The following CCDC88C variants were observed in gnomAD, a reference collection of about 807,000 sequenced individuals.
CCDC88C encodes the protein protein Daple.
In CCDC88C, 131 loss-of-function variants were observed where a neutral mutation model predicts 198.8. The observed-to-expected ratio is 0.66, with a 90% confidence interval of 0.57 to 0.76. The LOEUF is 0.76. Among genes scored for constraint, CCDC88C ranks in the 30% least tolerant of loss-of-function variants. The pLI is 0.00. For missense variants in CCDC88C, 2,553 were observed against 2,631.6 expected, an observed-to-expected ratio of 0.97 and a Z score of 0.65; for synonymous variants, 1,166 against 1,114.7, an observed-to-expected ratio of 1.05 and a Z score of -0.92.
In CCDC88C at chr14:91,280,515, T is replaced by C. The variant is rs186662355; in HGVS notation, c.4699+942A>G. On this transcript the variant is annotated intron_variant, in intron 27 of 29. Transcript: ENST00000389857. The stretch of plus-strand genomic sequence containing the variant: ...TTAAAAAAATAAGTAAATTTCAGTA[T>C]AAGGAAACCGTGATAGCGATCAACG... Among the ~76,000 whole-genome samples, 230 of 152,338 alleles carry C rather than the reference T, an allele frequency of 1.5e-3. 1 individual carries two copies. Among genetic ancestry groups the C allele is most frequent in the African/African-American group, 5.3e-3 (222 of 41,582 alleles).
intron 23 of CCDC88C, among the ~76,000 whole-genome samples, chr14:91,293,326 C>G (rs1257390230): frequency 2.1e-5 from 3 of 140,386 alleles, no homozygotes; most frequent in South Asian, 2.4e-4. Flanking sequence ...CCATCCTCAC[C>G]TGCCAAAGCT....
At chr14:91,289,058 G>C in intron 25 of CCDC88C, 47 bp downstream of exon 25, 1 of 1,517,966 alleles carries the variant, frequency 6.6e-7, no homozygotes, top group South Asian at 1.1e-5. Flanking sequence ...GGACCCTTCA[G>C]GACACCCCCT....
At chr14:91,382,875 T>C (rs1490491687) in intron 3 of CCDC88C, among the ~76,000 whole-genome samples, 1 of 152,168 alleles carries the variant, frequency 6.6e-6, no homozygotes, top group African/African-American at 2.4e-5. Context: ...TTGTGCCTCT[T>C]TAACAACCAG....
In CCDC88C at chr14:91,277,904, C is replaced by A. The variant is rs1035800024; in HGVS notation, c.5058+18G>T. On this transcript the variant is annotated intron_variant, in intron 29 of 29. Transcript: ENST00000389857. ...AGAGGGAAGAGAGACGGGCCAAGTC[C>A]GTGTCCGGATCACTCACATGGGTGG... 3 of 1,474,294 alleles carry A rather than the reference C, an allele frequency of 2.0e-6. No homozygotes were observed. The highest frequency in any genetic ancestry group is 2.7e-6 in the Non-Finnish European group (3 of 1,104,876). 91.3% of individuals were successfully genotyped at this position (1,474,294 alleles called of 1,614,324 possible). A position where few individuals can be genotyped will look rare whatever the true frequency, so the allele number is the denominator to read the frequency against.
chr14:91,314,482 TC>T (rs2139808261), intron 14 of CCDC88C, among the ~76,000 whole-genome samples: 1 of 152,324 alleles, frequency 6.6e-6, no homozygotes, highest in Admixed American at 6.5e-5. Flanking sequence ...TACACTACTC[TC>T]CACCTCCTGC....
Position 91,288,896 on chromosome 14 carries a change from T to A in CCDC88C, c.4441+209A>T, listed in dbSNP as rs1460998365. The A allele has an allele frequency of 1.6e-5, 8 of 487,990 alleles. No homozygotes were observed. The highest frequency in any genetic ancestry group is 2.5e-5 in the Non-Finnish European group (7 of 278,372). The allele number at this position is 487,990 out of a possible 1,614,324, so 30.2% of individuals were successfully genotyped here. Reference sequence around the variant, plus strand: ...AAACTCCATCTCAAAAAAATTAAAATAAAATATAAAATAAAGTAACAAAAG... The same window carrying A: ...AAACTCCATCTCAAAAAAATTAAAAAAAAATATAAAATAAAGTAACAAAAG... On this transcript the variant is annotated intron_variant, in intron 25 of 29. Transcript: ENST00000389857. The surrounding 1 kb of genome is among the most constrained non-coding windows in gnomAD (Gnocchi z 4.2).
At chr14:91,393,392 C>G (rs544949430) in intron 3 of CCDC88C, among the ~76,000 whole-genome samples, 1 of 152,250 alleles carries the variant, frequency 6.6e-6, no homozygotes, top group African/African-American at 2.4e-5. Context: ...GCAACCTGAG[C>G]GAATTCTACC....
intron 10 of CCDC88C, among the ~76,000 whole-genome samples, chr14:91,328,924 C>T (rs745925204): frequency 1.3e-5 from 2 of 152,178 alleles, no homozygotes; most frequent in Non-Finnish European, 2.9e-5. Context: ...AGAGGGGGTG[C>T]GGAATCAAAC....
chr14:91,343,503 T>A, intron 5 of CCDC88C, 96 bp downstream of exon 5: 1 of 1,548,868 alleles, frequency 6.5e-7, no homozygotes, highest in Non-Finnish European at 8.7e-7. Context: ...GAAAGGAGCA[T>A]CCTCCCACCT....
chr14:91,343,551 G>A (rs758578294), intron 5 of CCDC88C, 48 bp downstream of exon 5: 1 of 1,611,236 alleles, frequency 6.2e-7, no homozygotes, highest in Admixed American at 1.7e-5. Context: ...AACCCAATAT[G>A]AGATGGCTGG....
chr14:91,299,079 G>C (rs915459054), intron 21 of CCDC88C, among the ~76,000 whole-genome samples: 1 of 152,186 alleles, frequency 6.6e-6, no homozygotes, highest in Non-Finnish European at 1.5e-5. Context: ...ATCCAGCCTA[G>C]GGAAAAAATA....
chr14:91,348,661 A>G (rs1304957988), intron 4 of CCDC88C, among the ~76,000 whole-genome samples: 1 of 152,200 alleles, frequency 6.6e-6, no homozygotes, highest in East Asian at 1.9e-4. Flanking sequence ...TCTGACCCAC[A>G]GCACAGGTTA....
At chr14:91,308,527 C>G in intron 16 of CCDC88C, 35 bp from the exon 17 acceptor site, 1 of 1,605,980 alleles carries the variant, frequency 6.2e-7, no homozygotes. Flanking sequence ...TATCACTTAT[C>G]TACTTCCTCT....
intron 10 of CCDC88C, among the ~76,000 whole-genome samples, chr14:91,328,461 C>A (rs1416657895): frequency 6.6e-6 from 1 of 152,154 alleles, no homozygotes; most frequent in Non-Finnish European, 1.5e-5. Flanking sequence ...CAGAACGCCC[C>A]ACCGTGGCCC....
At chr14:91,370,613 A>C (rs1172376463) in intron 3 of CCDC88C, among the ~76,000 whole-genome samples, 2 of 152,208 alleles carry the variant, frequency 1.3e-5, no homozygotes, top group African/African-American at 4.8e-5. Context: ...CTCTGCCCAT[A>C]AACAGTAGTT....
In CCDC88C at chr14:91,339,215, G is replaced by C; in HGVS notation, c.809+63C>G. On this transcript the variant is annotated intron_variant, in intron 8 of 29. Transcript: ENST00000389857. This position sits in a 1 kb window ranked among gnomAD's most constrained non-coding sequence, Gnocchi z 5.8. ...ATTGGCAGCACCACACATGTGAGTC[G>C]ACACCACACCAGAAACATGTCTGCA... 1 of 1,577,974 alleles carries C rather than the reference G, an allele frequency of 6.3e-7. No homozygotes were observed. The highest frequency in any genetic ancestry group is 1.1e-5 in the South Asian group (1 of 87,380).
At chr14:91,323,868 G>C (rs983312869) in intron 12 of CCDC88C, among the ~76,000 whole-genome samples, 7 of 152,258 alleles carry the variant, frequency 4.6e-5, no homozygotes, top group Admixed American at 4.6e-4. Flanking sequence ...AGCACAGACA[G>C]CTAACTTCTC....
chr14:91,328,070 G>A (rs867485517), intron 10 of CCDC88C, among the ~76,000 whole-genome samples: 4 of 152,178 alleles, frequency 2.6e-5, no homozygotes, highest in East Asian at 3.9e-4. Context: ...TGTGAGCCTC[G>A]CGTAAGTGTT....
intron 15 of CCDC88C, among the ~76,000 whole-genome samples, chr14:91,311,594 C>T (rs1017757412): frequency 6.6e-6 from 1 of 152,220 alleles, no homozygotes; most frequent in Non-Finnish European, 1.5e-5. Context: ...GTGACTCCAG[C>T]GCCTGGCTTC....
Sources: gnomAD v4.1 joint callset for allele counts (sites outside exome capture counted in the v4.1 genomes callset) on GRCh38, gnomAD v4.1.1 for gene constraint, Gnocchi (gnomAD v3.1) non-coding constraint, MANE v1.5 for transcripts, NCBI Gene and HGNC (gene_info 2026-07-23, HGNC 2026-07-21) for gene names.